The following PIGF variants were observed in gnomAD, a reference collection of about 807,000 sequenced individuals.
PIGF encodes the protein GPI ethanolamine phosphate transferase, stabilizing subunit.
Under a neutral mutation model 26.0 loss-of-function variants are expected in PIGF, and 23 were observed. That is an observed-to-expected ratio of 0.88 (90% CI 0.64 to 1.25). The LOEUF (loss-of-function observed/expected upper bound fraction) is 1.25, where lower values mean the gene tolerates loss of function less well. PIGF is among the 50% of genes most tolerant of loss of function. The pLI is 0.00. For synonymous variants in PIGF, 93 were observed against 92.6 expected (o/e 1.00, Z -0.03); for missense variants, 278 against 249.9 (o/e 1.11, Z -0.76).
At chr2:46,599,202 A>G (rs1669981953) in intron 4 of PIGF, among the ~76,000 whole-genome samples, 1 of 152,194 alleles carries the variant, frequency 6.6e-6, no homozygotes, top group Non-Finnish European at 1.5e-5. Context: ...TATGAAGGGT[A>G]CAATTATATT....
chr2:46,592,727 C>T (rs1669759794), intron 4 of PIGF, 144 bp from the exon 5 acceptor site: 1 of 582,520 alleles, frequency 1.7e-6, no homozygotes, highest in African/African-American at 1.9e-5. Flanking sequence ...ACATATTTAC[C>T]ATGAACTATT....
Position 46,609,136 on chromosome 2 carries a change from G to C in PIGF, c.437+3092C>G, listed in dbSNP as rs149898767. Among the ~76,000 whole-genome samples the C allele has an allele frequency of 5.9e-3, 896 of 152,340 alleles. 33 individuals carry two copies. Among genetic ancestry groups the C allele is most frequent in the Admixed American group, 0.05 (771 of 15,302 alleles). On this transcript the variant is annotated intron_variant, in intron 4 of 5. Coordinates refer to ENST00000281382, the MANE Select transcript of PIGF (RefSeq NM_002643.4). ...CCACCTTCACCAACAATCTTAGCTA[G>C]ATCTTCTGGATAACTTGCTCCAGCT...
rs568013820 is a variant in PIGF, at chr2:46,596,121, G to A, written c.438-3538C>T. The stretch of plus-strand genomic sequence containing the variant: ...CCCAGCTACTCGGGAGGCTGAGAAC[G>A]GAGAATCGCTTGAACCCGGGAGGCG... On this transcript the variant is annotated intron_variant, in intron 4 of 5. Transcript: ENST00000281382. Among the ~76,000 whole-genome samples the A allele has an allele frequency of 3.1e-4, 47 of 151,876 alleles. No individual in the cohort carries two copies. The South Asian group carries it at 9.4e-3, about 30-fold the overall frequency.
chr2:46,606,622 G>A (rs1007407532), intron 4 of PIGF, among the ~76,000 whole-genome samples: 2 of 152,092 alleles, frequency 1.3e-5, no homozygotes, highest in Admixed American at 1.3e-4. Context: ...AGAATTGCTG[G>A]GTCGAAGAAG....
rs113236625 is a variant in PIGF, at chr2:46,601,824, T to C, written c.438-9241A>G. Among the ~76,000 whole-genome samples, 457 of 152,120 alleles carry C rather than the reference T, an allele frequency of 3.0e-3. 4 individuals carry two copies. Among genetic ancestry groups the C allele is most frequent in the African/African-American group, 0.01 (432 of 41,560 alleles). ...GTCTACACAAATAGGTCTTATTGAATGTTTTCACCTCGGCTAGATCACTAC... is the reference window on the plus strand; with the variant it reads ...GTCTACACAAATAGGTCTTATTGAACGTTTTCACCTCGGCTAGATCACTAC... On this transcript the variant is annotated intron_variant, in intron 4 of 5. Coordinates refer to ENST00000281382, the MANE Select transcript of PIGF (RefSeq NM_002643.4).
At chr2:46,606,433 T>C (rs1194139328) in intron 4 of PIGF, among the ~76,000 whole-genome samples, 1 of 152,198 alleles carries the variant, frequency 6.6e-6, no homozygotes, top group Non-Finnish European at 1.5e-5. Flanking sequence ...GGTTTTTTTC[T>C]GTTTTTATGT....
chr2:46,610,285 C>T (rs1006553261), intron 4 of PIGF, among the ~76,000 whole-genome samples: 13 of 152,188 alleles, frequency 8.5e-5, no homozygotes, highest in African/African-American at 3.1e-4. Flanking sequence ...GACAGTATTT[C>T]CCCCAAATAC....
chr2:46,616,821 T>C (rs1278518013), intron 1 of PIGF, 149 bp downstream of exon 1: 3 of 211,970 alleles, frequency 1.4e-5, no homozygotes, highest in African/African-American at 7.1e-5. Context: ...AAAGGGGGTC[T>C]GTCCATCAGG....
chr2:46,588,055 A>G lies in PIGF; in HGVS notation c.546+4420T>C, dbSNP rs1558699765. 1 of 1,539,580 alleles carries G rather than the reference A, an allele frequency of 6.5e-7. No individual in the cohort carries two copies. Among genetic ancestry groups the G allele is most frequent in the East Asian group, 2.4e-5 (1 of 41,036 alleles). ...CTCACACTTGGACTTTCTAGTGTAT[A>G]AAATGGGAGTAAAACCTACCTTGCA... On this transcript the variant is annotated intron_variant, in intron 5 of 5. Coordinates refer to ENST00000281382, the MANE Select transcript of PIGF (RefSeq NM_002643.4). The surrounding 1 kb of genome is among the most constrained non-coding windows in gnomAD (Gnocchi z 4.1).
At chr2:46,615,915 C>G (rs1411403222) in intron 1 of PIGF, 1 of 152,090 alleles carries the variant, frequency 6.6e-6, no homozygotes, top group African/African-American at 2.4e-5. Context: ...TTTAAATTAC[C>G]TGAGAGCTGA....
chr2:46,598,529 A>ATTTT lies in PIGF; in HGVS notation c.438-5950_438-5947dup, dbSNP rs747263045. Among the ~76,000 whole-genome samples, 104 of 103,506 alleles carry ATTTT rather than the reference A, an allele frequency of 1.0e-3. 5 individuals are homozygous for ATTTT. The highest frequency in any genetic ancestry group is 1.3e-3 in the Non-Finnish European group (74 of 55,390). The allele number at this position is 103,506 out of a possible 152,430, so 67.9% of individuals were successfully genotyped here. On this transcript the variant is annotated intron_variant, in intron 4 of 5. Coordinates refer to ENST00000281382, the MANE Select transcript of PIGF (RefSeq NM_002643.4). Reference sequence around the variant, plus strand: ...ATAAACTTTCTTAAAACATTATGAGATTTTTTTTTTTTTTTTTTTTTTTTA... The same window carrying ATTTT: ...ATAAACTTTCTTAAAACATTATGAGATTTTTTTTTTTTTTTTTTTTTTTTTTTTA...
chr2:46,609,138 T>A (rs1038144011), intron 4 of PIGF, among the ~76,000 whole-genome samples: 1 of 152,252 alleles, frequency 6.6e-6, no homozygotes. Flanking sequence ...CTTAGCTAGA[T>A]CTTCTGGATA....
At chr2:46,592,003 T>A in intron 5 of PIGF, 1 of 1,281,956 alleles carries the variant, frequency 7.8e-7, no homozygotes, top group Non-Finnish European at 1.0e-6. Context: ...ACAAGGGCAA[T>A]AAATATCAAA....
At chr2:46,591,999 G>T in intron 5 of PIGF, 1 of 1,281,998 alleles carries the variant, frequency 7.8e-7, no homozygotes, top group South Asian at 1.3e-5. Context: ...GACCACAAGG[G>T]CAATAAATAT....
chr2:46,595,623 G>A (rs144589010), intron 4 of PIGF, among the ~76,000 whole-genome samples: 48 of 152,258 alleles, frequency 3.2e-4, no homozygotes, highest in African/African-American at 1.1e-3. Flanking sequence ...ACCTAGGAGT[G>A]GAATTGTTAG....
intron 5 of PIGF, among the ~76,000 whole-genome samples, chr2:46,585,905 C>G (rs1669557317): frequency 6.6e-6 from 1 of 152,156 alleles, no homozygotes; most frequent in Admixed American, 6.5e-5. Flanking sequence ...TCCCGAGTAG[C>G]TGGGACTACA....
At chr2:46,616,948 G>A (rs1437425734) in intron 1 of PIGF, 22 bp downstream of exon 1, 3 of 483,492 alleles carry the variant, frequency 6.2e-6, no homozygotes, top group East Asian at 4.1e-5. Flanking sequence ...GCGAGACGCC[G>A]AGGGCGTCCA....
chr2:46,599,235 C>A (rs372593195), intron 4 of PIGF, among the ~76,000 whole-genome samples: 114 of 152,334 alleles, frequency 7.5e-4, no homozygotes, highest in African/African-American at 2.6e-3. Context: ...CCTCCCTGCA[C>A]TGTTCAACTT....
intron 5 of PIGF, chr2:46,591,514 C>CT (rs1386326705): frequency 1.1e-6 from 1 of 878,508 alleles, no homozygotes; most frequent in Non-Finnish European, 1.4e-6. Flanking sequence ...TACCATAATT[C>CT]TTTTTGGGAG....
Sources: allele counts gnomAD v4.1 joint callset (sites outside exome capture counted in the v4.1 genomes callset), GRCh38; gene constraint gnomAD v4.1.1; non-coding constraint Gnocchi (gnomAD v3.1); transcripts MANE v1.5; gene names NCBI Gene and HGNC (gene_info 2026-07-23, HGNC 2026-07-21).